AGBL2: variants seen among roughly 807,000 people sequenced by gnomAD.
The protein encoded by AGBL2 is cytosolic carboxypeptidase 2.
AGBL2 carries 87 observed loss-of-function variants against 103.0 expected under a neutral mutation model. The ratio of observed to expected loss-of-function variants is 0.84; its 90% CI spans 0.71 to 1.01. AGBL2 has a LOEUF of 1.01. Ranked by LOEUF, AGBL2 falls within the 50% of genes least tolerant of loss-of-function variation. AGBL2 has a pLI of 0.00. For synonymous variants in AGBL2, 335 were observed against 356.7 expected, an observed-to-expected ratio of 0.94 and a Z score of 0.69; for missense variants, 904 against 1,023.5, an observed-to-expected ratio of 0.88 and a Z score of 1.59.
intron 11 of AGBL2, among the ~76,000 whole-genome samples, chr11:47,684,858 C>A (rs971946551): frequency 6.6e-6 from 1 of 152,154 alleles, no homozygotes; most frequent in Non-Finnish European, 1.5e-5. Flanking sequence ...CCTTCAATCT[C>A]TTCTTCCAGG....
chr11:47,700,455 T>C (rs1297412238), intron 7 of AGBL2, among the ~76,000 whole-genome samples: 1 of 151,926 alleles, frequency 6.6e-6, no homozygotes, highest in African/African-American at 2.4e-5. Flanking sequence ...GGCATGTGCC[T>C]GTAGTCCCAG....
In AGBL2 at chr11:47,690,490, T is replaced by C. The variant is rs746050085; in HGVS notation, c.1217A>G (p.Tyr406Cys). ...YPYTYTDLQC[Y>C]LLSVANNPIQ... ...AGGGTTGTTTGCCACTGACAGGAGGTAGCATTGCAAATCAGTGTATGTATA... is the reference window on the plus strand; with the variant it reads ...AGGGTTGTTTGCCACTGACAGGAGGCAGCATTGCAAATCAGTGTATGTATA... The change falls in exon 10 of 19, where the codon TAC (tyrosine) becomes TGC (cysteine). Residue 406 changes from tyrosine (Y) to cysteine (C), a missense_variant. Tyr to Cys is a radical substitution (Grantham distance 194). Transcript: ENST00000525123. 6.2e-7 allele frequency: 1 copy of C among 1,613,916 alleles called. No individual in the cohort carries two copies. Among genetic ancestry groups the C allele is most frequent in the Non-Finnish European group, 8.5e-7 (1 of 1,180,010 alleles).
chr11:47,709,868 C>A (rs763020679), intron 4 of AGBL2, among the ~76,000 whole-genome samples: 30 of 152,052 alleles, frequency 2.0e-4, no homozygotes, highest in Non-Finnish European at 3.5e-4. Flanking sequence ...GGATTACAGG[C>A]GTGAGCCACG....
At chr11:47,695,594 GAAACCCTGTCTCCACTAATAATACA>G (rs1295880994) in intron 8 of AGBL2, among the ~76,000 whole-genome samples, 1 of 151,532 alleles carries the variant, frequency 6.6e-6, no homozygotes, top group East Asian at 1.9e-4. Flanking sequence ...GGGCAGCGGT[GAAACCCTGTCTCCACTAATAATACA>G]AAAAATTAGC....
intron 11 of AGBL2, among the ~76,000 whole-genome samples, chr11:47,683,897 C>A (rs1478235655): frequency 6.7e-6 from 1 of 148,964 alleles, no homozygotes; most frequent in African/African-American, 2.5e-5. Flanking sequence ...TCAAGACCAG[C>A]CTAGGCAACA....
chr11:47,678,754 T>C (rs965082654), intron 13 of AGBL2, among the ~76,000 whole-genome samples: 1 of 151,344 alleles, frequency 6.6e-6, no homozygotes, highest in Non-Finnish European at 1.5e-5. Flanking sequence ...AGGGCTAACT[T>C]TGGAGAAGAG....
intron 4 of AGBL2, among the ~76,000 whole-genome samples, chr11:47,709,381 AG>A (rs1036482006): frequency 1.6e-3 from 99 of 60,518 alleles, no homozygotes; most frequent in African/African-American, 5.6e-3. Context: ...GGGGATAAGC[AG>A]GGGGGGTTGT....
chr11:47,710,924 A>G (rs1357342128), intron 3 of AGBL2: 33 of 388,108 alleles, frequency 8.5e-5, no homozygotes, highest in Middle Eastern at 7.3e-4. Flanking sequence ...AAAAAAAAAA[A>G]GAAAAAAAAA....
At chr11:47,687,192 T>C (rs999455636) in intron 10 of AGBL2, among the ~76,000 whole-genome samples, 5 of 151,648 alleles carry the variant, frequency 3.3e-5, no homozygotes, top group Non-Finnish European at 7.4e-5. Flanking sequence ...TCTTCCTACA[T>C]GCTGTCTGCA....
intron 7 of AGBL2, among the ~76,000 whole-genome samples, chr11:47,700,729 T>C (rs1221733960): frequency 6.6e-6 from 1 of 152,090 alleles, no homozygotes; most frequent in Non-Finnish European, 1.5e-5. Context: ...ATTACATGAA[T>C]TTATTTTCTC....
chr11:47,689,356 G>A (rs1485966842), intron 10 of AGBL2, among the ~76,000 whole-genome samples: 1 of 143,866 alleles, frequency 7.0e-6, no homozygotes, highest in Non-Finnish European at 1.5e-5. Flanking sequence ...CCAGGCTAGA[G>A]TGCAGTGGCA....
chr11:47,689,898 T>C (rs1318693681), intron 10 of AGBL2, among the ~76,000 whole-genome samples, 178 bp downstream of exon 10: 3 of 152,072 alleles, frequency 2.0e-5, no homozygotes, highest in Non-Finnish European at 4.4e-5. Context: ...AAGACATGAT[T>C]TAAAAGTCTG....
chr11:47,668,350 A>G (rs1266467908), intron 15 of AGBL2, among the ~76,000 whole-genome samples: 3 of 151,770 alleles, frequency 2.0e-5, no homozygotes, highest in African/African-American at 7.3e-5. Flanking sequence ...TACAAAAATT[A>G]GCCGGGCGTG....
intron 13 of AGBL2, among the ~76,000 whole-genome samples, chr11:47,678,288 C>CTATTTTATTT (rs10557006): frequency 0.019 from 2,386 of 123,316 alleles, 83 homozygotes; most frequent in African/African-American, 0.053. Context: ...ATGCAATACT[C>CTATTTTATTT]TATTTTATTT....
rs11286504 is a variant in AGBL2, at chr11:47,692,404, CTTTTTTTTTTTT to C, written c.695-160_695-149del. 6.4e-3 allele frequency: 634 copies of C among 99,192 alleles called. 1 individual carries two copies. The highest frequency in any genetic ancestry group is 0.032 in the African/African-American group (603 of 18,576). 6.1% of individuals were successfully genotyped at this position (99,192 alleles called of 1,614,324 possible). A position where few individuals can be genotyped will look rare whatever the true frequency, so the allele number is the denominator to read the frequency against. On this transcript the variant is annotated intron_variant, in intron 8 of 18. Transcript: ENST00000525123. ...AACTATCTTTGCAGAGACTTTTAAT[CTTTTTTTTTTTT>C]TTTTTTTTTTTTTGGGACAGAGTCT...
Position 47,705,567 on chromosome 11 carries a change from T to A in AGBL2, c.354A>T (p.Arg118Ser). 2 of 459,166 alleles carry A rather than the reference T, an allele frequency of 4.4e-6. No individual in the cohort carries two copies. Among genetic ancestry groups the A allele is most frequent in the Non-Finnish European group, 8.1e-6 (2 of 247,172 alleles). The allele number at this position is 459,166 out of a possible 1,614,324, so 28.4% of individuals were successfully genotyped here. A position where few individuals can be genotyped will look rare whatever the true frequency, so the allele number is the denominator to read the frequency against. Residue 118 changes from arginine to serine, a missense_variant, in exon 6 of 19, where the codon AGA (arginine) becomes AGT (serine). Physicochemically the swap from Arg to Ser is moderately radical, Grantham distance 110 (BLOSUM62 -1). Coordinates refer to ENST00000525123, the MANE Select transcript of AGBL2 (RefSeq NM_024783.4). ...AAGCTGAGGCAGGAGAATCCTTGAA[T>A]CTGGGAGGTGGAGGTTGCAGTGAGC... ...GLSSLQPPPP[R>S]FKDSPASAFR...
At chr11:47,675,087 C>T (rs1370765614) in intron 14 of AGBL2, among the ~76,000 whole-genome samples, 1 of 151,686 alleles carries the variant, frequency 6.6e-6, no homozygotes, top group Admixed American at 6.6e-5. Flanking sequence ...CTAGTCCCTT[C>T]GTCTCAGTCG....
intron 9 of AGBL2, 132 bp from the exon 10 acceptor site, chr11:47,690,990 T>G (rs2097443059): frequency 2.7e-6 from 2 of 746,044 alleles, no homozygotes; most frequent in African/African-American, 1.8e-5. Context: ...TAATCATTTA[T>G]TCTCTGTAAT....
intron 13 of AGBL2, among the ~76,000 whole-genome samples, chr11:47,679,243 C>T (rs1308013855): frequency 6.6e-6 from 1 of 151,638 alleles, no homozygotes; most frequent in Non-Finnish European, 1.5e-5. Context: ...CGGAAAAACC[C>T]TGTCTCTATA....
Sources: allele counts gnomAD v4.1 joint callset (sites outside exome capture counted in the v4.1 genomes callset), GRCh38; gene constraint gnomAD v4.1.1; transcripts MANE v1.5; gene names NCBI Gene and HGNC (gene_info 2026-07-23, HGNC 2026-07-21).